ITFG2: variants seen among roughly 807,000 people sequenced by gnomAD.
ITFG2 encodes integrin alpha FG-GAP repeat containing 2.
Under a neutral mutation model 54.4 loss-of-function variants are expected in ITFG2, and 36 were observed. The observed-to-expected ratio is 0.66, with a 90% CI of 0.51 to 0.87. The LOEUF (loss-of-function observed/expected upper bound fraction) is 0.87. Among genes scored for constraint, ITFG2 ranks in the 40% least tolerant of loss-of-function variants. ITFG2 has a pLI of 0.00. For synonymous variants in ITFG2, 211 were observed against 225.4 expected (o/e 0.94, Z 0.57); for missense variants, 524 against 576.7 (o/e 0.91, Z 0.94).
chr12:2,822,001 T>TCACTG (rs2097946958), intron 9 of ITFG2, among the ~76,000 whole-genome samples: 1 of 151,152 alleles, frequency 6.6e-6, no homozygotes, highest in Non-Finnish European at 1.5e-5. Flanking sequence ...TGATCTTGGT[T>TCACTG]CACTGCAACC....
downstream of ITFG2, chr12:2,827,373 C>T (rs2097973337): frequency 1.3e-6 from 2 of 1,545,630 alleles, no homozygotes; most frequent in Admixed American, 2.2e-5. The surrounding 1 kb of genome is among the most constrained non-coding windows in gnomAD (Gnocchi z 4.0). Flanking sequence ...CTTTTGTTCC[C>T]CCTCCCACTT....
intron 1 of ITFG2, among the ~76,000 whole-genome samples, chr12:2,816,330 CTTTT>C (rs34665036): frequency 8.3e-6 from 1 of 120,450 alleles, no homozygotes. Flanking sequence ...CGCACACAGC[CTTTT>C]TTTTTTTTTT....
chr12:2,813,332 A>C (rs2097913825), intron 1 of ITFG2, among the ~76,000 whole-genome samples: 2 of 152,346 alleles, frequency 1.3e-5, no homozygotes, highest in Admixed American at 1.3e-4. Flanking sequence ...CAGGTAAAAC[A>C]ATGCCTGGCA....
chr12:2,817,338 G>T lies in ITFG2; in HGVS notation c.192+20G>T. On this transcript the variant is annotated intron_variant, in intron 2 of 11. Coordinates refer to ENST00000228799, the MANE Select transcript of ITFG2 (RefSeq NM_018463.4). ...GGAATGGTCAGTATTCACTTCCCTG[G>T]GCCTGGAGGGGGGAAGGGATCCCTT... is the stretch of plus-strand genomic sequence containing the variant. The T allele has an allele frequency of 6.4e-7, 1 of 1,558,892 alleles. No individual in the cohort carries two copies. Among genetic ancestry groups the T allele is most frequent in the Non-Finnish European group, 8.8e-7 (1 of 1,131,794 alleles).
chr12:2,858,537 A>G, intron 3 of ITFG2: 1 of 1,018,956 alleles, frequency 9.8e-7, no homozygotes, highest in Non-Finnish European at 1.4e-6. Flanking sequence ...GAGGAGCAGA[A>G]CAGTCCCTGC....
intron 2 of ITFG2, chr12:2,830,438 A>T: frequency 4.3e-5 from 16 of 368,078 alleles, no homozygotes; most frequent in South Asian, 2.2e-4. Context: ...TGTGTAGAGC[A>T]CACTGAGGAG....
In ITFG2 at chr12:2,824,403, C is replaced by G. The variant is rs1603483417; in HGVS notation, c.*210C>G. The G allele has an allele frequency of 3.1e-6, 2 of 642,950 alleles. No homozygotes were observed. The allele number at this position is 642,950 out of a possible 1,614,324, so 39.8% of individuals were successfully genotyped here. The stretch of plus-strand genomic sequence containing the variant: ...AAGAAGAGACAAGTTGACCCTCTGC[C>G]CATTTCCTTATGGACCTCACCCATC... On this transcript the variant is annotated 3_prime_UTR_variant, in exon 12 of 12. Coordinates refer to ENST00000228799, the MANE Select transcript of ITFG2 (RefSeq NM_018463.4).
At position 2,813,941 on chromosome 12, in the gene ITFG2, A is replaced by T. The variant is rs12304694; in HGVS notation, c.96+1085A>T. Among the ~76,000 whole-genome samples the T allele has an allele frequency of 3.3e-5, 5 of 152,066 alleles. No individual in the cohort carries two copies. The East Asian group carries it at 9.6e-4, about 29-fold the overall frequency. On this transcript the variant is annotated intron_variant, in intron 1 of 11. Transcript: ENST00000228799. ...TGAGAAAATTAGAGGAGGAATTTTT[A>T]AAATTTTTTTGTTTTTTATAGAGAC...
chr12:2,834,607 C>G, upstream of ITFG2: 1 of 1,540,126 alleles, frequency 6.5e-7, no homozygotes, highest in Non-Finnish European at 8.7e-7. Flanking sequence ...AGGAAAAGGC[C>G]AGGGGACGCT....
intron 2 of ITFG2, among the ~76,000 whole-genome samples, chr12:2,841,254 C>T (rs1485887113): frequency 6.6e-6 from 1 of 152,186 alleles, no homozygotes; most frequent in East Asian, 1.9e-4. Context: ...AGTGCCCATC[C>T]CACTGAATCT....
At chr12:2,823,671 G>T in intron 10 of ITFG2, 99 bp from the exon 11 acceptor site, 3 of 1,389,878 alleles carry the variant, frequency 2.2e-6, no homozygotes, top group Non-Finnish European at 2.9e-6. Context: ...TCAGTGGGAG[G>T]ATGGAAAGTG....
At chr12:2,854,165 G>A (rs746903189) in intron 2 of ITFG2, among the ~76,000 whole-genome samples, 11 of 152,036 alleles carry the variant, frequency 7.2e-5, no homozygotes, top group Admixed American at 1.3e-4. Context: ...AGCTGGGATT[G>A]CAGGCACCCA....
intron 2 of ITFG2, chr12:2,854,878 G>A: frequency 6.6e-7 from 1 of 1,522,566 alleles, no homozygotes. Flanking sequence ...TGGGCTCCCT[G>A]AGGAGGCACC....
chr12:2,842,919 C>A (rs557871803), intron 2 of ITFG2, among the ~76,000 whole-genome samples: 1 of 152,246 alleles, frequency 6.6e-6, no homozygotes, highest in African/African-American at 2.4e-5. Context: ...TTATCCAAGC[C>A]TAGCAGAGAT....
At chr12:2,849,393 T>C (rs2098062895) in intron 2 of ITFG2, 1 of 1,536,060 alleles carries the variant, frequency 6.5e-7, no homozygotes, top group South Asian at 1.2e-5. Flanking sequence ...AGGCCAGCTT[T>C]AGCACCTTCT....
chr12:2,835,165 G>GTA (rs1410658011), upstream of ITFG2: 1 of 1,277,486 alleles, frequency 7.8e-7, no homozygotes, highest in African/African-American at 2.4e-5. Flanking sequence ...GCGTATGTGT[G>GTA]TGTGTGTGTG....
chr12:2,826,818 G>C, downstream of ITFG2: 1 of 273,586 alleles, frequency 3.7e-6, no homozygotes, highest in South Asian at 4.1e-5. Context: ...ATGGTGGTGT[G>C]GGAAGTTGAG....
In ITFG2 at chr12:2,859,509, G is replaced by A. The variant is rs1444862763; in HGVS notation, n.621-25G>A. The A allele has an allele frequency of 5.0e-6, 8 of 1,613,768 alleles. No homozygotes were observed. Among genetic ancestry groups the A allele is most frequent in the Middle Eastern group, 1.6e-4 (1 of 6,084 alleles). On this transcript the variant is annotated intron_variant and non_coding_transcript_variant, in intron 3 of 3. Coordinates refer to the ITFG2 transcript ENST00000537710. ...AGGGCTCTCCACTTTGATGGGTCTC[G>A]CTAAGTGTGGCATTTCCTCCCCAGG...
chr12:2,834,073 G>A (rs941253706), upstream of ITFG2, among the ~76,000 whole-genome samples: 2 of 152,196 alleles, frequency 1.3e-5, no homozygotes, highest in Admixed American at 6.5e-5. Flanking sequence ...CATGGGATGG[G>A]AGGAGAGGAG....
Sources: allele counts gnomAD v4.1 joint callset (sites outside exome capture counted in the v4.1 genomes callset), GRCh38; gene constraint gnomAD v4.1.1; non-coding constraint Gnocchi (gnomAD v3.1); transcripts MANE v1.5; gene names NCBI Gene and HGNC (gene_info 2026-07-23, HGNC 2026-07-21).